Variants in CDH9 observed in about 807,000 individuals in gnomAD.
CDH9 encodes the protein cadherin 9.
A neutral mutation model predicts 70.9 loss-of-function variants in CDH9; 28 were observed. That is an observed-to-expected ratio of 0.40 (90% confidence interval 0.29 to 0.54). The LOEUF (loss-of-function observed/expected upper bound fraction) is 0.54, where lower values mean the gene tolerates loss of function less well. Ranked by LOEUF, CDH9 falls within the 20% of genes least tolerant of loss-of-function variation. The pLI, the probability that CDH9 is intolerant of heterozygous loss-of-function variation, is 0.59. For synonymous variants in CDH9, 409 were observed against 343.1 expected (o/e 1.19, Z -2.12); for missense variants, 874 against 984.4 (o/e 0.89, Z 1.50).
chr5:26,944,017 T>C (rs1741705674), intron 2 of CDH9, among the ~76,000 whole-genome samples: 2 of 152,300 alleles, frequency 1.3e-5, no homozygotes, highest in South Asian at 4.1e-4. Flanking sequence ...ACAATTGCAT[T>C]CTCTCATTCT....
At chr5:26,972,224 T>C (rs1221096624) in intron 2 of CDH9, among the ~76,000 whole-genome samples, 1 of 152,110 alleles carries the variant, frequency 6.6e-6, no homozygotes, top group Non-Finnish European at 1.5e-5. Context: ...AGGGGTCTAA[T>C]ATAAGAAAGT....
At chr5:26,971,594 A>G (rs1181879642) in intron 2 of CDH9, among the ~76,000 whole-genome samples, 1 of 152,170 alleles carries the variant, frequency 6.6e-6, no homozygotes, top group African/African-American at 2.4e-5. Flanking sequence ...TTGCTTTAGG[A>G]TATTTGCTTC....
chr5:26,898,790 G>A (rs1232936359), intron 7 of CDH9, among the ~76,000 whole-genome samples: 11 of 152,082 alleles, frequency 7.2e-5, no homozygotes, highest in Admixed American at 7.2e-4. Context: ...AACACCAAAA[G>A]CAATGACAAC....
intron 1 of CDH9, among the ~76,000 whole-genome samples, chr5:26,991,219 G>A (rs1447655684): frequency 6.6e-6 from 1 of 152,114 alleles, no homozygotes; most frequent in Non-Finnish European, 1.5e-5. Flanking sequence ...CTGAAACGCT[G>A]CTCAGATTCC....
Position 27,033,608 on chromosome 5 carries a change from C to T in CDH9, c.-50+4855G>A, listed in dbSNP as rs181362135. On this transcript the variant is annotated intron_variant, in intron 1 of 11. Coordinates refer to ENST00000231021, the MANE Select transcript of CDH9 (RefSeq NM_016279.4). ...ACAGGAAACTGTTACATTTCCTCTG[C>T]GGTTTACTTACCATTAAAATTTAAA... Among the ~76,000 whole-genome samples the T allele has an allele frequency of 1.8e-4, 27 of 151,090 alleles. No individual in the cohort carries two copies. In the East Asian group the frequency reaches 3.9e-3, roughly 22 times the overall value.
At chr5:26,912,154 G>A (rs1201470324) in intron 3 of CDH9, among the ~76,000 whole-genome samples, 1 of 151,890 alleles carries the variant, frequency 6.6e-6, no homozygotes, top group Admixed American at 6.6e-5. Context: ...AAAATATCTT[G>A]TACTATCTGA....
At chr5:26,981,653 A>T (rs973222852) in intron 2 of CDH9, among the ~76,000 whole-genome samples, 5 of 151,988 alleles carry the variant, frequency 3.3e-5, no homozygotes, top group Admixed American at 1.3e-4. Flanking sequence ...GTGTGGAAAA[A>T]TTTTAAATTT....
intron 2 of CDH9, among the ~76,000 whole-genome samples, chr5:26,983,686 T>C (rs933372894): frequency 6.6e-6 from 1 of 151,810 alleles, no homozygotes; most frequent in East Asian, 1.9e-4. Context: ...CTCCATGTAC[T>C]GCACTATAAG....
At chr5:26,918,408 C>T (rs1187601176) in intron 2 of CDH9, among the ~76,000 whole-genome samples, 1 of 152,184 alleles carries the variant, frequency 6.6e-6, no homozygotes, top group Non-Finnish European at 1.5e-5. Flanking sequence ...TAATTGTTTA[C>T]CATGCCCACT....
At chr5:27,002,202 A>G (rs1012156805) in intron 1 of CDH9, among the ~76,000 whole-genome samples, 1 of 152,206 alleles carries the variant, frequency 6.6e-6, no homozygotes, top group Non-Finnish European at 1.5e-5. Flanking sequence ...AGAGAAATGC[A>G]AATCAAAACC....
At chr5:26,981,317 T>A (rs551737053) in intron 2 of CDH9, among the ~76,000 whole-genome samples, 160 of 152,230 alleles carry the variant, frequency 1.1e-3, no homozygotes, top group Non-Finnish European at 1.6e-3. Flanking sequence ...CCGATGCACA[T>A]CATTCTGTTT....
chr5:26,944,569 C>T (rs896115845), intron 2 of CDH9, among the ~76,000 whole-genome samples: 1 of 152,118 alleles, frequency 6.6e-6, no homozygotes, highest in Non-Finnish European at 1.5e-5. Flanking sequence ...AGGAGGATTG[C>T]TTGAGCTCAG....
At chr5:27,010,992 G>C (rs574728413) in intron 1 of CDH9, among the ~76,000 whole-genome samples, 1 of 152,044 alleles carries the variant, frequency 6.6e-6, no homozygotes, top group Non-Finnish European at 1.5e-5. Flanking sequence ...GAAAAGAGAG[G>C]GAACCTGGAA....
intron 2 of CDH9, among the ~76,000 whole-genome samples, chr5:26,933,213 A>T (rs1741494901): frequency 6.7e-6 from 1 of 149,764 alleles, no homozygotes; most frequent in Admixed American, 6.7e-5. Context: ...AAATAAAATA[A>T]TATAAAATTC....
intron 2 of CDH9, among the ~76,000 whole-genome samples, chr5:26,926,581 GA>G (rs555710036): frequency 1.3e-4 from 20 of 149,592 alleles, no homozygotes; most frequent in African/African-American, 2.4e-4. Context: ...CACAGAATTG[GA>G]AAAAAAAACT....
In CDH9 at chr5:26,903,792, G is replaced by T; in HGVS notation, c.844C>A (p.Pro282Thr). 6.3e-7 allele frequency: 1 copy of T among 1,593,752 alleles called. No individual in the cohort carries two copies. Among genetic ancestry groups the T allele is most frequent in the East Asian group, 2.2e-5 (1 of 44,652 alleles). The change falls in exon 6 of 12, where the codon CCT (proline) becomes ACT (threonine). Residue 282 changes from proline to threonine, a missense_variant. Physicochemically the swap from Pro to Thr is conservative, Grantham distance 38 (BLOSUM62 -1). Transcript: ENST00000231021. ...TYQFNSPESV[P>T]LGTHLGRIKA... ...ATCCTTCCAAGATGAGTTCCAAGAG[G>T]TACAGACTCAGGAGAATTAAATTGA...
intron 1 of CDH9, among the ~76,000 whole-genome samples, 175 bp downstream of exon 1, chr5:27,038,288 T>C (rs553265709): frequency 4.6e-5 from 7 of 152,114 alleles, no homozygotes; most frequent in South Asian, 4.1e-4. Context: ...ACTGAGCATG[T>C]AAACATTTTA....
intron 2 of CDH9, among the ~76,000 whole-genome samples, chr5:26,971,781 A>C (rs1286624496): frequency 1.3e-5 from 2 of 148,468 alleles, no homozygotes; most frequent in Non-Finnish European, 3.0e-5. Flanking sequence ...ACACACACAC[A>C]CCCATATGTG....
chr5:26,914,341 T>C (rs973949387), intron 3 of CDH9, among the ~76,000 whole-genome samples: 40 of 151,994 alleles, frequency 2.6e-4, no homozygotes, highest in African/African-American at 8.9e-4. Flanking sequence ...TATAAACCCA[T>C]TAAAAAAAAC....
Sources: gnomAD v4.1 joint callset for allele counts (sites outside exome capture counted in the v4.1 genomes callset) on GRCh38, gnomAD v4.1.1 for gene constraint, MANE v1.5 for transcripts, NCBI Gene and HGNC (gene_info 2026-07-23, HGNC 2026-07-21) for gene names.